Variants in LRP1B observed in about 807,000 individuals in gnomAD.
LRP1B encodes LDL receptor related protein 1B, also known as low-density lipoprotein receptor-related protein 1B.
Under a neutral mutation model 556.6 loss-of-function variants are expected in LRP1B, and 217 were observed. That is an observed-to-expected ratio of 0.39 (90% CI 0.35 to 0.44). LRP1B has a LOEUF of 0.44. Ranked by LOEUF, LRP1B falls within the 20% of genes least tolerant of loss-of-function variation. LRP1B has a pLI of 1.00. For missense variants in LRP1B, 5,053 were observed against 5,620.8 expected (o/e 0.90, Z 3.23); for synonymous variants, 2,047 against 1,865.8 (o/e 1.10, Z -2.50).
chr2:140,291,072 G>A (rs1316322201), intron 84 of LRP1B, among the ~76,000 whole-genome samples: 1 of 151,650 alleles, frequency 6.6e-6, no homozygotes, highest in Non-Finnish European at 1.5e-5. Flanking sequence ...ATGTGTCATA[G>A]CAACGTCTCC....
At chr2:141,645,590 T>C (rs530079029) in intron 2 of LRP1B, among the ~76,000 whole-genome samples, 3 of 149,428 alleles carry the variant, frequency 2.0e-5, no homozygotes, top group Non-Finnish European at 4.4e-5. Context: ...AAACAACTAA[T>C]CTTTCAGGAA....
chr2:140,518,317 T>C (rs75097008), intron 49 of LRP1B, among the ~76,000 whole-genome samples: 1,718 of 152,248 alleles, frequency 0.011, 26 homozygotes, highest in African/African-American at 0.034. Flanking sequence ...GCTGACCCAT[T>C]GCTGGCTTCC....
chr2:140,850,220 G>C lies in LRP1B; in HGVS notation c.4821C>G (p.Asp1607Glu), dbSNP rs372242789. 1 of 1,612,240 alleles carries C rather than the reference G, an allele frequency of 6.2e-7. No homozygotes were observed. The highest frequency in any genetic ancestry group is 8.5e-7 in the Non-Finnish European group (1 of 1,178,438). Residue 1607 changes from aspartate to glutamate, a missense_variant, in exon 29 of 91, where the codon GAC becomes GAG. Transcript: ENST00000389484. ...ITAFTVPDID[D>E]VTVIDFDASE... is the part of the protein sequence containing the mutation. The stretch of plus-strand genomic sequence containing the variant: ...ATGCATCGAAGTCTATCACAGTAAC[G>C]TCATCAATATCAGGGACTGTAAATG...
chr2:140,816,881 T>C (rs1454857120), intron 31 of LRP1B, among the ~76,000 whole-genome samples: 1 of 152,178 alleles, frequency 6.6e-6, no homozygotes, highest in Non-Finnish European at 1.5e-5. Flanking sequence ...TTTGTTATTA[T>C]CATTCACTAA....
rs73963425 is a variant in LRP1B, at chr2:142,069,017, G to A, written c.82+61631C>T. ...CTCTCTCTGTCTCTCTCTCTATGTC[G>A]CTCTCCCTCTCTCTGTCTCTCCTTC... On this transcript the variant is annotated intron_variant, in intron 1 of 90. Coordinates refer to ENST00000389484, the MANE Select transcript of LRP1B (RefSeq NM_018557.3). Among the ~76,000 whole-genome samples the A allele has an allele frequency of 7.8e-3, 1,177 of 150,978 alleles. 15 individuals are homozygous for A. The highest frequency in any genetic ancestry group is 0.027 in the African/African-American group (1,136 of 41,316).
At chr2:140,404,394 G>A (rs182608230) in intron 66 of LRP1B, among the ~76,000 whole-genome samples, 18 of 151,792 alleles carry the variant, frequency 1.2e-4, no homozygotes, top group African/African-American at 3.4e-4. Flanking sequence ...GGATGGTCTC[G>A]ATCTCCTGAC....
chr2:141,086,307 T>G (rs573831138), intron 7 of LRP1B, among the ~76,000 whole-genome samples: 20 of 152,344 alleles, frequency 1.3e-4, no homozygotes, highest in Non-Finnish European at 2.4e-4. Flanking sequence ...TCTAAATTTC[T>G]TAGAAATTTA....
At chr2:141,758,722 A>C (rs1216955445) in intron 2 of LRP1B, among the ~76,000 whole-genome samples, 1 of 152,166 alleles carries the variant, frequency 6.6e-6, no homozygotes, top group African/African-American at 2.4e-5. Context: ...ACTCTAGTGC[A>C]AAGTAAATTT....
intron 2 of LRP1B, among the ~76,000 whole-genome samples, chr2:141,687,444 A>T (rs908245546): frequency 6.6e-6 from 1 of 152,012 alleles, no homozygotes; most frequent in African/African-American, 2.4e-5. Flanking sequence ...ATTATTATTG[A>T]ATTTGCTACT....
chr2:141,756,078 A>G (rs946641209), intron 2 of LRP1B, among the ~76,000 whole-genome samples: 1 of 152,076 alleles, frequency 6.6e-6, no homozygotes, highest in African/African-American at 2.4e-5. Context: ...ACAAATAGCT[A>G]TTAGTCAACA....
intron 3 of LRP1B, among the ~76,000 whole-genome samples, chr2:141,311,668 G>A (rs928459203): frequency 6.6e-6 from 1 of 152,182 alleles, no homozygotes; most frequent in African/African-American, 2.4e-5. Context: ...AGAGATCTGA[G>A]TTGACAGGCA....
rs539545488 is a variant in LRP1B at position 140,587,176 on chromosome 2, G to A, written c.7194+11455C>T. Among the ~76,000 whole-genome samples the A allele has an allele frequency of 7.9e-5, 12 of 152,174 alleles. No individual in the cohort carries two copies. In the East Asian group the frequency reaches 9.7e-4, roughly 12 times the overall value. The stretch of plus-strand genomic sequence containing the variant: ...AGCCAGTCACAACAACAAAGAAAAA[G>A]CAGAAAGAAAGAAAACTGAACGAAG... On this transcript the variant is annotated intron_variant, in intron 43 of 90. Transcript: ENST00000389484.
At chr2:142,020,570 T>C (rs1418345025) in intron 1 of LRP1B, among the ~76,000 whole-genome samples, 1 of 152,220 alleles carries the variant, frequency 6.6e-6, no homozygotes, top group Admixed American at 6.5e-5. Flanking sequence ...TCCTGAATCA[T>C]TCATCATGTT....
intron 7 of LRP1B, among the ~76,000 whole-genome samples, chr2:141,155,267 A>G (rs542478709): frequency 2.6e-3 from 402 of 151,876 alleles, no homozygotes; most frequent in African/African-American, 9.0e-3. Flanking sequence ...TTTAATGTTC[A>G]GAAAGTTTTA....
intron 2 of LRP1B, among the ~76,000 whole-genome samples, chr2:141,532,911 C>A (rs2890616): frequency 1.6e-4 from 24 of 152,180 alleles, no homozygotes; most frequent in African/African-American, 5.3e-4. Flanking sequence ...GCTTGAACTC[C>A]GGAGGCAGAG....
At chr2:140,870,889 T>C (rs771750456) in intron 25 of LRP1B, among the ~76,000 whole-genome samples, 3 of 152,158 alleles carry the variant, frequency 2.0e-5, no homozygotes, top group African/African-American at 7.2e-5. Flanking sequence ...AAATGATATA[T>C]TCACCATGAC....
In LRP1B at chr2:140,264,240, A is replaced by AT. The variant is rs575677410; in HGVS notation, c.13247+6001dup. ...TTTGTTTTGTTTTTTTGGTTTGTTTATTTTTTTTGAAACAGTCTTGCTGTG... is the reference window on the plus strand; with the variant it reads ...TTTGTTTTGTTTTTTTGGTTTGTTTATTTTTTTTTGAAACAGTCTTGCTGTG... On this transcript the variant is annotated intron_variant, in intron 86 of 90. Coordinates refer to ENST00000389484, the MANE Select transcript of LRP1B (RefSeq NM_018557.3). 1.6e-4 allele frequency among the ~76,000 whole-genome samples: 24 copies of AT among 150,698 alleles called. No individual in the cohort carries two copies. The South Asian group carries it at 3.5e-3, about 22-fold the overall frequency.
At chr2:141,085,009 T>C (rs867360572) in intron 7 of LRP1B, among the ~76,000 whole-genome samples, 3 of 152,064 alleles carry the variant, frequency 2.0e-5, no homozygotes, top group Non-Finnish European at 2.9e-5. Context: ...TCTTGCATTT[T>C]CCCCCCAATT....
At chr2:140,623,480 A>G (rs574525834) in intron 41 of LRP1B, among the ~76,000 whole-genome samples, 1 of 152,334 alleles carries the variant, frequency 6.6e-6, no homozygotes, top group South Asian at 2.1e-4. Flanking sequence ...GCATTATATC[A>G]AAGTAACAAT....
Sources: gnomAD v4.1 joint callset for allele counts (sites outside exome capture counted in the v4.1 genomes callset) on GRCh38, gnomAD v4.1.1 for gene constraint, MANE v1.5 for transcripts, NCBI Gene and HGNC (gene_info 2026-07-23, HGNC 2026-07-21) for gene names.